Variants in TBC1D32 observed in about 807,000 individuals in gnomAD.
The protein encoded by TBC1D32 is protein broad-minded.
A neutral mutation model predicts 170.3 loss-of-function variants in TBC1D32; 151 were observed. The ratio of observed to expected loss-of-function variants is 0.89; its 90% CI spans 0.78 to 1.01. TBC1D32 has a LOEUF of 1.01. TBC1D32 is among the 50% of genes least tolerant of loss of function. The probability of loss-of-function intolerance (pLI) is 0.00; values close to 1 mark genes in which losing one functional copy is unlikely to be tolerated. For synonymous variants in TBC1D32, 498 were observed against 488.0 expected, an observed-to-expected ratio of 1.02 and a Z score of -0.27; for missense variants, 1,464 against 1,457.1, an observed-to-expected ratio of 1.00 and a Z score of -0.08.
At chr6:121,279,383 T>G in intron 14 of TBC1D32, 138 bp from the exon 15 acceptor site, 1 of 1,016,300 alleles carries the variant, frequency 9.8e-7, no homozygotes, top group Non-Finnish European at 1.4e-6. Context: ...TTTGTTTGGC[T>G]GTGAAATAAT....
In TBC1D32 at chr6:121,200,396, C is replaced by T. The variant is rs193044697; in HGVS notation, c.2570+4679G>A. ...ATGTTAAATGATGATATAATGTTTC[C>T]CCACGATATTTACAGCTTTTGTTTT... On this transcript the variant is annotated intron_variant, in intron 22 of 31. Coordinates refer to ENST00000398212, the MANE Select transcript of TBC1D32 (RefSeq NM_152730.6). Among the ~76,000 whole-genome samples the T allele has an allele frequency of 3.8e-4, 58 of 151,196 alleles. 4 individuals are homozygous for T. Among genetic ancestry groups the T allele is most frequent in the African/African-American group, 1.4e-3 (55 of 40,730 alleles).
Position 121,281,694 on chromosome 6 carries a change from A to T in TBC1D32, c.1466-8T>A, listed in dbSNP as rs751124961. ...TTGCAGGAGAGTAATTCTCTAATAA[A>T]CAATAAATATTTTTTAATACCAAAA... On this transcript the variant is annotated splice_polypyrimidine_tract_variant and splice_region_variant and intron_variant, in intron 13 of 31. Coordinates refer to ENST00000398212, the MANE Select transcript of TBC1D32 (RefSeq NM_152730.6). 1 of 1,565,966 alleles carries T rather than the reference A, an allele frequency of 6.4e-7. No homozygotes were observed. Among genetic ancestry groups the T allele is most frequent in the Non-Finnish European group, 8.6e-7 (1 of 1,157,098 alleles).
intron 30 of TBC1D32, among the ~76,000 whole-genome samples, chr6:121,095,398 TC>T (rs1027655208): frequency 1.1e-4 from 16 of 152,208 alleles, no homozygotes; most frequent in African/African-American, 3.9e-4. Context: ...TACATCTTCC[TC>T]TTTTCCTATT....
chr6:121,315,998 A>T (rs1468881635), intron 3 of TBC1D32, among the ~76,000 whole-genome samples: 1 of 152,122 alleles, frequency 6.6e-6, no homozygotes, highest in East Asian at 1.9e-4. Context: ...ACACTTGAAA[A>T]TTTATATATA....
chr6:121,181,227 G>C (rs1207169540), intron 22 of TBC1D32, among the ~76,000 whole-genome samples: 1 of 152,048 alleles, frequency 6.6e-6, no homozygotes, highest in Non-Finnish European at 1.5e-5. Context: ...GATATGGTTT[G>C]AATCTGTGTC....
chr6:121,294,867 G>A (rs1161173360), intron 10 of TBC1D32, among the ~76,000 whole-genome samples: 2 of 152,032 alleles, frequency 1.3e-5, no homozygotes, highest in African/African-American at 4.8e-5. Context: ...AAATATTTGT[G>A]GACCAACAAA....
intron 24 of TBC1D32, among the ~76,000 whole-genome samples, chr6:121,150,165 T>C (rs1784029474): frequency 6.6e-6 from 1 of 152,222 alleles, no homozygotes; most frequent in Non-Finnish European, 1.5e-5. Flanking sequence ...TAAATAACTC[T>C]TATTATTTTG....
At chr6:121,252,020 G>A (rs952938724) in intron 17 of TBC1D32, among the ~76,000 whole-genome samples, 1 of 152,308 alleles carries the variant, frequency 6.6e-6, no homozygotes, top group East Asian at 1.9e-4. Context: ...AAACCACAGT[G>A]AGATACCATC....
intron 17 of TBC1D32, among the ~76,000 whole-genome samples, chr6:121,248,052 T>C (rs758654493): frequency 9.9e-5 from 15 of 152,128 alleles, no homozygotes; most frequent in East Asian, 3.9e-4. Context: ...TTCCCCAAGA[T>C]AGACCACACG....
intron 15 of TBC1D32, among the ~76,000 whole-genome samples, chr6:121,256,563 G>C (rs1401243272): frequency 6.6e-6 from 1 of 152,092 alleles, no homozygotes; most frequent in Non-Finnish European, 1.5e-5. Context: ...GATAAGTATT[G>C]TCAATTCTAC....
At chr6:121,188,116 T>TA (rs2128282213) in intron 22 of TBC1D32, among the ~76,000 whole-genome samples, 1 of 152,224 alleles carries the variant, frequency 6.6e-6, no homozygotes, top group South Asian at 2.1e-4. Flanking sequence ...TCATTTGTTT[T>TA]AAAAAACAAA....
chr6:121,116,418 T>C (rs1779689108), intron 26 of TBC1D32, among the ~76,000 whole-genome samples: 2 of 152,158 alleles, frequency 1.3e-5, no homozygotes, highest in African/African-American at 4.8e-5. Flanking sequence ...GAAATAGGAA[T>C]GATACAGATA....
chr6:121,325,212 A>C (rs1254057465), intron 1 of TBC1D32, among the ~76,000 whole-genome samples: 1 of 126,548 alleles, frequency 7.9e-6, no homozygotes, highest in African/African-American at 3.9e-5. Flanking sequence ...ACTCCATCTC[A>C]AAAAAAAAAA....
intron 4 of TBC1D32, among the ~76,000 whole-genome samples, chr6:121,309,069 T>C (rs1261116321): frequency 1.3e-5 from 2 of 152,168 alleles, no homozygotes; most frequent in Non-Finnish European, 2.9e-5. Context: ...GCCCAACTTT[T>C]AGACAAAATA....
intron 1 of TBC1D32, among the ~76,000 whole-genome samples, chr6:121,322,542 G>A (rs1041688763): frequency 7.2e-5 from 11 of 152,190 alleles, no homozygotes; most frequent in African/African-American, 2.2e-4. Flanking sequence ...GTTTCTCAAC[G>A]ACTGATATCC....
In TBC1D32 at chr6:121,092,568, G is replaced by T. The variant is rs181588686; in HGVS notation, c.3466-1527C>A. The stretch of plus-strand genomic sequence containing the variant: ...TTAGTTTGCTAGAACCACAGGCAGG[G>T]GGGGCTTAAACAATAAAAAATTATT... On this transcript the variant is annotated intron_variant, in intron 30 of 31. Transcript: ENST00000398212. Among the ~76,000 whole-genome samples, 244 of 151,942 alleles carry T rather than the reference G, an allele frequency of 1.6e-3. 1 individual carries two copies. Among genetic ancestry groups the T allele is most frequent in the Non-Finnish European group, 2.8e-3 (192 of 67,926 alleles).
chr6:121,272,002 G>A (rs1296819745), intron 15 of TBC1D32, among the ~76,000 whole-genome samples: 1 of 152,088 alleles, frequency 6.6e-6, no homozygotes, highest in East Asian at 1.9e-4. Flanking sequence ...AACAAGAAAT[G>A]GGGAAACGAT....
intron 15 of TBC1D32, among the ~76,000 whole-genome samples, chr6:121,265,094 T>TATTC (rs1800293335): frequency 6.6e-6 from 1 of 152,046 alleles, no homozygotes; most frequent in East Asian, 1.9e-4. Flanking sequence ...AAATAAAGGG[T>TATTC]ATTCAAATAG....
At chr6:121,101,157 T>C (rs1012601461) in intron 30 of TBC1D32, among the ~76,000 whole-genome samples, 1 of 151,868 alleles carries the variant, frequency 6.6e-6, no homozygotes, top group Non-Finnish European at 1.5e-5. Flanking sequence ...CTACCAGAGG[T>C]ACAAGGAGGA....
Sources: gnomAD v4.1 joint callset for allele counts (sites outside exome capture counted in the v4.1 genomes callset) on GRCh38, gnomAD v4.1.1 for gene constraint, MANE v1.5 for transcripts, NCBI Gene and HGNC (gene_info 2026-07-23, HGNC 2026-07-21) for gene names.